Variants in CCSER1 observed in about 807,000 individuals in gnomAD.
CCSER1 encodes the protein coiled-coil serine rich protein 1.
CCSER1 carries 41 observed loss-of-function variants against 82.0 expected under a neutral mutation model. The ratio of observed to expected loss-of-function variants is 0.50; its 90% CI spans 0.39 to 0.65. The LOEUF is 0.65. Ranked by LOEUF, CCSER1 falls within the 30% of genes least tolerant of loss-of-function variation. The pLI, the probability that CCSER1 is intolerant of heterozygous loss-of-function variation, is 0.00. For synonymous variants in CCSER1, 414 were observed against 383.9 expected, an observed-to-expected ratio of 1.08 and a Z score of -0.92; for missense variants, 1,119 against 1,064.2, an observed-to-expected ratio of 1.05 and a Z score of -0.72.
At chr4:91,303,962 A>C (rs1744860892) in intron 10 of CCSER1, among the ~76,000 whole-genome samples, 1 of 152,088 alleles carries the variant, frequency 6.6e-6, no homozygotes, top group Non-Finnish European at 1.5e-5. Context: ...TCTGTTAATT[A>C]AATAATATAT....
intron 4 of CCSER1, among the ~76,000 whole-genome samples, chr4:90,460,351 G>T (rs1315321502): frequency 3.6e-5 from 5 of 139,460 alleles, no homozygotes; most frequent in Non-Finnish European, 6.1e-5. Context: ...AAAAACTAAG[G>T]CAAGAAAAAA....
At chr4:90,712,458 T>A (rs567478992) in intron 6 of CCSER1, among the ~76,000 whole-genome samples, 2 of 152,198 alleles carry the variant, frequency 1.3e-5, no homozygotes, top group East Asian at 3.9e-4. Flanking sequence ...TAGTTTTGAG[T>A]GAATTTCTTA....
At chr4:90,897,290 C>A (rs374486624) in intron 8 of CCSER1, among the ~76,000 whole-genome samples, 2 of 151,854 alleles carry the variant, frequency 1.3e-5, no homozygotes, top group Non-Finnish European at 2.9e-5. Context: ...CCTCTCATAA[C>A]CTCCCCTCTT....
chr4:91,336,540 T>C (rs1423282267), intron 10 of CCSER1, among the ~76,000 whole-genome samples: 1 of 152,200 alleles, frequency 6.6e-6, no homozygotes. Context: ...ACAGTGAAGA[T>C]TTCAAACTTC....
At chr4:91,184,508 T>G (rs1734342343) in intron 10 of CCSER1, among the ~76,000 whole-genome samples, 1 of 152,230 alleles carries the variant, frequency 6.6e-6, no homozygotes, top group African/African-American at 2.4e-5. Context: ...ATTCTCCATT[T>G]ACTTGATTTT....
At chr4:91,516,090 A>G (rs963954145) in intron 10 of CCSER1, among the ~76,000 whole-genome samples, 3 of 151,960 alleles carry the variant, frequency 2.0e-5, no homozygotes, top group African/African-American at 7.2e-5. Flanking sequence ...TATATATTCC[A>G]TATAGATTCT....
At chr4:91,369,732 G>A (rs900141979) in intron 10 of CCSER1, among the ~76,000 whole-genome samples, 6 of 127,074 alleles carry the variant, frequency 4.7e-5, no homozygotes, top group African/African-American at 1.5e-4. Flanking sequence ...GCAGTGGCAC[G>A]ATCTTGGCTC....
chr4:90,263,224 C>T (rs1724647665), intron 1 of CCSER1, among the ~76,000 whole-genome samples: 1 of 152,198 alleles, frequency 6.6e-6, no homozygotes, highest in African/African-American at 2.4e-5. Context: ...TCCCTCTTCC[C>T]CTAGTAGTAG....
At chr4:90,456,431 T>C (rs2153581031) in intron 4 of CCSER1, among the ~76,000 whole-genome samples, 1 of 152,216 alleles carries the variant, frequency 6.6e-6, no homozygotes, top group African/African-American at 2.4e-5. Flanking sequence ...GAAAGAATGA[T>C]AGGAAAGACT....
Position 91,204,356 on chromosome 4 carries a change from A to G in CCSER1, c.2217+118362A>G, listed in dbSNP as rs114415330. 6.6e-3 allele frequency among the ~76,000 whole-genome samples: 1,010 copies of G among 151,920 alleles called. 8 individuals carry two copies. Among genetic ancestry groups the G allele is most frequent in the African/African-American group, 0.023 (947 of 41,498 alleles). On this transcript the variant is annotated intron_variant, in intron 10 of 10. Coordinates refer to ENST00000509176, the MANE Select transcript of CCSER1 (RefSeq NM_001145065.2). Reference sequence around the variant, plus strand: ...CATCAAGGAGCTTGCATAAATGGCGAATGAAATTGATTAAGCCATGAAAGA... The same window carrying G: ...CATCAAGGAGCTTGCATAAATGGCGGATGAAATTGATTAAGCCATGAAAGA...
intron 7 of CCSER1, among the ~76,000 whole-genome samples, chr4:90,750,377 G>T (rs373332855): frequency 1.3e-5 from 2 of 152,188 alleles, no homozygotes. Context: ...GGTGCATGGA[G>T]TACTTTTAGC....
chr4:91,163,453 G>A (rs34187326), intron 10 of CCSER1, among the ~76,000 whole-genome samples: 107,026 of 150,836 alleles, frequency 0.71, 38,417 homozygotes, highest in Non-Finnish European at 0.78. Context: ...AGGTCTGCTT[G>A]GTGCAGAGCT....
chr4:91,073,193 G>C (rs1721615072), intron 9 of CCSER1, among the ~76,000 whole-genome samples: 1 of 152,032 alleles, frequency 6.6e-6, no homozygotes, highest in Non-Finnish European at 1.5e-5. Flanking sequence ...ACATTTGGCT[G>C]TTCTTTGTAT....
At chr4:90,998,855 C>T (rs1292300941) in intron 9 of CCSER1, among the ~76,000 whole-genome samples, 10 of 151,984 alleles carry the variant, frequency 6.6e-5, no homozygotes, top group South Asian at 2.1e-4. Flanking sequence ...AGTACCCAAC[C>T]GTTAACTTTT....
intron 3 of CCSER1, among the ~76,000 whole-genome samples, chr4:90,368,548 A>G (rs1407749416): frequency 6.6e-6 from 1 of 151,824 alleles, no homozygotes; most frequent in African/African-American, 2.4e-5. Context: ...CAGGAGGATC[A>G]CTTGAGCCAG....
chr4:91,186,330 A>G (rs1403106233), intron 10 of CCSER1, among the ~76,000 whole-genome samples: 1 of 152,076 alleles, frequency 6.6e-6, no homozygotes, highest in African/African-American at 2.4e-5. Flanking sequence ...AAAAAGTTCC[A>G]TGGTAGAATG....
intron 4 of CCSER1, among the ~76,000 whole-genome samples, chr4:90,426,749 A>G (rs757025581): frequency 2.6e-5 from 4 of 152,126 alleles, no homozygotes; most frequent in Admixed American, 1.3e-4. Context: ...GTTCTTCACA[A>G]TTATATGACT....
chr4:91,007,456 T>C (rs893973289), intron 9 of CCSER1, among the ~76,000 whole-genome samples: 8 of 152,326 alleles, frequency 5.3e-5, no homozygotes, highest in African/African-American at 1.7e-4. Flanking sequence ...TGATTCAGTC[T>C]TGTTACTTGT....
intron 3 of CCSER1, among the ~76,000 whole-genome samples, chr4:90,391,614 G>A (rs1751166046): frequency 6.7e-6 from 1 of 149,618 alleles, no homozygotes; most frequent in Non-Finnish European, 1.5e-5. Flanking sequence ...GAGATCGTAT[G>A]TCATTGTGGT....
Sources: gnomAD v4.1 joint callset for allele counts (sites outside exome capture counted in the v4.1 genomes callset) on GRCh38, gnomAD v4.1.1 for gene constraint, MANE v1.5 for transcripts, NCBI Gene and HGNC (gene_info 2026-07-23, HGNC 2026-07-21) for gene names.